The following DENND1B variants were observed in gnomAD, a reference collection of about 807,000 sequenced individuals.
DENND1B encodes the protein DENN domain-containing protein 1B.
DENND1B carries 59 observed loss-of-function variants against 90.1 expected under a neutral mutation model. The ratio of observed to expected loss-of-function variants is 0.65; its 90% CI spans 0.53 to 0.81. DENND1B has a LOEUF of 0.81. DENND1B is among the 40% of genes least tolerant of loss of function. The probability of loss-of-function intolerance (pLI) is 0.00; values close to 1 mark genes in which losing one functional copy is unlikely to be tolerated. For missense variants in DENND1B, 862 were observed against 912.6 expected, an observed-to-expected ratio of 0.94 and a Z score of 0.71; for synonymous variants, 337 against 324.6, an observed-to-expected ratio of 1.04 and a Z score of -0.41.
rs201461084 is a variant in DENND1B, at chr1:197,652,235, C to T, written c.447G>A (p.Val149=). ...PKANTPVNLS[V]NQEIFIACEQ... is the part of the protein sequence containing the mutation. ...AAACAATTACTGATTGAATACTTACCACACTCAAATTTACAGGAGTATTTG... is the reference window on the plus strand; with the variant it reads ...AAACAATTACTGATTGAATACTTACTACACTCAAATTTACAGGAGTATTTG... The change falls in exon 7 of 23, where the codon GTG becomes GTA. Residue 149 remains valine (V), a splice_region_variant and synonymous_variant. Transcript: ENST00000620048. 84 of 1,609,048 alleles carry T rather than the reference C, an allele frequency of 5.2e-5. No individual in the cohort carries two copies. Among genetic ancestry groups the T allele is most frequent in the Non-Finnish European group, 6.9e-5 (81 of 1,177,994 alleles).
In DENND1B at chr1:197,507,661, A is replaced by G. The variant is rs1378991617; in HGVS notation, c.*2799T>C. On this transcript the variant is annotated 3_prime_UTR_variant, in exon 23 of 23. Transcript: ENST00000620048. ...AACAGGTGTTGCTTCTTTGAAAAATAATTTCAAAAAGCAGAGGAACTTACA... is the reference window on the plus strand; with the variant it reads ...AACAGGTGTTGCTTCTTTGAAAAATGATTTCAAAAAGCAGAGGAACTTACA... The G allele has an allele frequency of 1.3e-5, 2 of 151,604 alleles. No individual in the cohort carries two copies. The highest frequency in any genetic ancestry group is 4.8e-5 in the African/African-American group (2 of 41,370). The allele number at this position is 151,604 out of a possible 1,614,324, so 9.4% of individuals were successfully genotyped here. A position where few individuals can be genotyped will look rare whatever the true frequency, so the allele number is the denominator to read the frequency against.
At chr1:197,602,877 T>C (rs147065679) in intron 13 of DENND1B, among the ~76,000 whole-genome samples, 125 of 151,600 alleles carry the variant, frequency 8.2e-4, no homozygotes, top group African/African-American at 2.7e-3. Flanking sequence ...CTCTTAATGA[T>C]TTTTGGTGAT....
chr1:197,595,353 A>G lies in DENND1B; in HGVS notation c.922-20T>C. On this transcript the variant is annotated intron_variant, in intron 13 of 22. Coordinates refer to ENST00000620048, the MANE Select transcript of DENND1B (RefSeq NM_001195215.2). ...CGAGACCTGCATGACAGAGAGGAACAGTTAAATTAACACCTCAGAAATTGG... is the reference window on the plus strand; with the variant it reads ...CGAGACCTGCATGACAGAGAGGAACGGTTAAATTAACACCTCAGAAATTGG... 1.9e-6 allele frequency: 3 copies of G among 1,609,616 alleles called. No individual in the cohort carries two copies. The highest frequency in any genetic ancestry group is 2.5e-6 in the Non-Finnish European group (3 of 1,177,712).
chr1:197,694,351 C>T lies in DENND1B; in HGVS notation c.127-20182G>A, dbSNP rs188357400. 5.9e-5 allele frequency among the ~76,000 whole-genome samples: 9 copies of T among 151,348 alleles called. No homozygotes were observed. In the East Asian group the frequency reaches 1.2e-3, roughly 20 times the overall value. ...AATTTTGCAAGACTTTATTTTCTAC[C>T]GAGTAACATTTTAAATGCTACTCTT... On this transcript the variant is annotated intron_variant, in intron 3 of 22. Coordinates refer to ENST00000620048, the MANE Select transcript of DENND1B (RefSeq NM_001195215.2).
intron 3 of DENND1B, among the ~76,000 whole-genome samples, chr1:197,713,757 AATAATTAT>A (rs1318894495): frequency 1.2e-4 from 10 of 80,500 alleles, no homozygotes; most frequent in African/African-American, 4.4e-4. Flanking sequence ...TTAAAAAAAA[AATAATTAT>A]ATTATATTAT....
chr1:197,641,261 T>A (rs753878527), intron 10 of DENND1B, among the ~76,000 whole-genome samples: 5 of 152,156 alleles, frequency 3.3e-5, no homozygotes, highest in Admixed American at 6.5e-5. Flanking sequence ...TTTAAAAATA[T>A]CCTTTTTAAT....
intron 13 of DENND1B, among the ~76,000 whole-genome samples, chr1:197,602,874 T>C (rs899093880): frequency 6.6e-6 from 1 of 151,488 alleles, no homozygotes; most frequent in Non-Finnish European, 1.5e-5. Flanking sequence ...ATGCTCTTAA[T>C]GATTTTTGGT....
At chr1:197,607,630 T>G (rs186682520) in intron 12 of DENND1B, among the ~76,000 whole-genome samples, 27 of 150,366 alleles carry the variant, frequency 1.8e-4, no homozygotes, top group Non-Finnish European at 3.0e-4. Context: ...TTGTCTATAT[T>G]CTATACAAAA....
chr1:197,545,798 T>C, intron 18 of DENND1B, 124 bp downstream of exon 18: 2 of 801,594 alleles, frequency 2.5e-6, no homozygotes, highest in Non-Finnish European at 3.9e-6. Flanking sequence ...TCAATATTAA[T>C]CCTAATTTTT....
At position 197,507,007 on chromosome 1, in the gene DENND1B, A is replaced by G. The variant is rs1667760263; in HGVS notation, c.*3453T>C. 6.6e-6 allele frequency: 1 copy of G among 151,316 alleles called. No individual in the cohort carries two copies. Among genetic ancestry groups the G allele is most frequent in the South Asian group, 2.1e-4 (1 of 4,824 alleles). 9.4% of individuals were successfully genotyped at this position (151,316 alleles called of 1,614,324 possible). A position where few individuals can be genotyped will look rare whatever the true frequency, so the allele number is the denominator to read the frequency against. On this transcript the variant is annotated 3_prime_UTR_variant, in exon 23 of 23. Transcript: ENST00000620048. ...TTAGCAGCATAATATACTTAGCATA[A>G]TAATTGAGAAAGTTAATGAAATTAG...
intron 5 of DENND1B, 25 bp downstream of exon 5, chr1:197,672,012 A>G (rs1373444405): frequency 6.2e-7 from 1 of 1,601,370 alleles, no homozygotes. Flanking sequence ...TTTTGCATCT[A>G]ATTTTTTTTA....
At chr1:197,613,256 T>G (rs1388366099) in intron 11 of DENND1B, among the ~76,000 whole-genome samples, 2 of 150,750 alleles carry the variant, frequency 1.3e-5, no homozygotes, top group Non-Finnish European at 3.0e-5. Flanking sequence ...AGTTCCAAAT[T>G]TATTTAAAGA....
intron 2 of DENND1B, among the ~76,000 whole-genome samples, chr1:197,761,041 C>T (rs1298769805): frequency 6.6e-6 from 1 of 152,104 alleles, no homozygotes; most frequent in Non-Finnish European, 1.5e-5. Context: ...AGTGAAAGAA[C>T]CAACACATAA....
chr1:197,694,111 A>G (rs1658191092), intron 3 of DENND1B, among the ~76,000 whole-genome samples: 2 of 151,378 alleles, frequency 1.3e-5, no homozygotes, highest in Admixed American at 6.6e-5. Context: ...AATAATGTGA[A>G]AGGGGGAAGG....
chr1:197,705,814 T>C (rs1160032524), intron 3 of DENND1B, among the ~76,000 whole-genome samples: 1 of 151,966 alleles, frequency 6.6e-6, no homozygotes, highest in Non-Finnish European at 1.5e-5. Flanking sequence ...AAACGCAAAC[T>C]TCTTATTCCC....
intron 15 of DENND1B, among the ~76,000 whole-genome samples, chr1:197,562,818 G>C (rs1672285200): frequency 6.6e-6 from 1 of 151,984 alleles, no homozygotes; most frequent in South Asian, 2.1e-4. Flanking sequence ...GGATGCAAAG[G>C]AAAAGTTCTT....
intron 5 of DENND1B, among the ~76,000 whole-genome samples, chr1:197,664,004 C>A (rs1302788137): frequency 3.6e-5 from 5 of 139,656 alleles, no homozygotes; most frequent in Non-Finnish European, 8.0e-5. Flanking sequence ...TTTTGAAACA[C>A]ACACATACAC....
chr1:197,510,946 A>C lies in DENND1B; in HGVS notation c.1842T>G (p.Asn614Lys), dbSNP rs775739453. The change falls in exon 23 of 23, where the codon AAT (asparagine) becomes AAG (lysine). Residue 614 changes from asparagine to lysine, a missense_variant. By Grantham distance (94) the Asn-to-Lys change is moderately conservative (BLOSUM62 0). Transcript: ENST00000620048. ...AACCACCACAGAGGAAAGCCAGGTT[A>C]TTCTCACTAGGAGCATTAGATTTAT... The part of the protein sequence containing the change: ...PTNKSNAPSE[N>K]NLAFLCGGSG... 1 of 1,545,166 alleles carries C rather than the reference A, an allele frequency of 6.5e-7. No homozygotes were observed. The highest frequency in any genetic ancestry group is 8.7e-7 in the Non-Finnish European group (1 of 1,150,874).
intron 3 of DENND1B, among the ~76,000 whole-genome samples, chr1:197,701,005 T>A (rs1171309812): frequency 6.6e-6 from 1 of 152,228 alleles, no homozygotes; most frequent in African/African-American, 2.4e-5. Context: ...TCAACCATTG[T>A]AGAAGACAGT....
Sources: gnomAD v4.1 joint callset for allele counts (sites outside exome capture counted in the v4.1 genomes callset) on GRCh38, gnomAD v4.1.1 for gene constraint, MANE v1.5 for transcripts, NCBI Gene and HGNC (gene_info 2026-07-23, HGNC 2026-07-21) for gene names.